The following TTN variants were observed in gnomAD, a reference collection of about 807,000 sequenced individuals.
The protein encoded by TTN is titin.
In TTN, 1,525 loss-of-function variants were observed where a neutral mutation model predicts 3,223.0. The observed-to-expected ratio is 0.47, with a 90% CI of 0.45 to 0.49. The LOEUF (loss-of-function observed/expected upper bound fraction) is 0.49. Ranked by LOEUF, TTN falls within the 20% of genes least tolerant of loss-of-function variation. The pLI, the probability that TTN is intolerant of heterozygous loss-of-function variation, is 0.00. For missense variants in TTN, 40,786 were observed against 43,424.0 expected, an observed-to-expected ratio of 0.94 and a Z score of 5.40; for synonymous variants, 14,094 against 15,161.0, an observed-to-expected ratio of 0.93 and a Z score of 5.17.
At position 178,559,621 on chromosome 2, in the gene TTN, G is replaced by A. The variant is rs1455136677; in HGVS notation, c.86511C>T (p.Thr28837=). ...IQNVLSAASL[T]LVVKVLDTPG... The stretch of plus-strand genomic sequence containing the variant: ...GGGTATCTAAAACTTTGACAACTAA[G>A]GTCAGTGAAGCAGCACTCAAAACAT... The change falls in exon 326 of 363, where the codon ACC becomes ACT. Residue 28837 remains threonine (T), a synonymous_variant. Coordinates refer to ENST00000589042, the MANE Select transcript of TTN (RefSeq NM_001267550.2). The A allele has an allele frequency of 1.1e-5, 17 of 1,613,674 alleles. No individual in the cohort carries two copies. Among genetic ancestry groups the A allele is most frequent in the Non-Finnish European group, 1.0e-5 (12 of 1,179,786 alleles).
In TTN at chr2:178,743,765, G is replaced by A. The variant is rs140321646; in HGVS notation, c.11312-1844C>T. Among the ~76,000 whole-genome samples, 282 of 151,960 alleles carry A rather than the reference G, an allele frequency of 1.9e-3. 6 individuals are homozygous for A. The South Asian group carries it at 0.025, about 13-fold the overall frequency. Reference sequence around the variant, plus strand: ...GACTAAGTGCAGAATAAATCTCTAAGTTCCTAATCTATAGAATTAGTTTTA... The same window carrying A: ...GACTAAGTGCAGAATAAATCTCTAAATTCCTAATCTATAGAATTAGTTTTA... On this transcript the variant is annotated intron_variant, in intron 47 of 362. Transcript: ENST00000589042.
At chr2:178,596,468 A>G (rs901918427) in intron 294 of TTN, among the ~76,000 whole-genome samples, 1 of 151,994 alleles carries the variant, frequency 6.6e-6, no homozygotes, top group African/African-American at 2.4e-5. Context: ...GTCAGTTTCT[A>G]TGTCCAGTTT....
At chr2:178,699,376 T>C (rs948055449) in intron 111 of TTN, among the ~76,000 whole-genome samples, 32 of 126,226 alleles carry the variant, frequency 2.5e-4, no homozygotes, top group African/African-American at 8.8e-4. Flanking sequence ...CATGAATAAA[T>C]AACACTCTTT....
chr2:178,602,008 T>A lies in TTN; in HGVS notation c.55263A>T (p.Ala18421=). The change falls in exon 284 of 363, where the codon GCA becomes GCT. Residue 18421 remains alanine, a synonymous_variant. Coordinates refer to ENST00000589042, the MANE Select transcript of TTN (RefSeq NM_001267550.2). ...AGAATGGTTATTTTCCTACCTTCAT[T>A]GCTTTCTTTGCCTTTCCATCAAATT... is the stretch of plus-strand genomic sequence containing the variant. ...SWEFDGKAKK[A]MKDGVHDIPE... is the part of the protein sequence containing the mutation. The A allele has an allele frequency of 1.2e-6, 2 of 1,612,784 alleles. No homozygotes were observed. Among genetic ancestry groups the A allele is most frequent in the Non-Finnish European group, 1.7e-6 (2 of 1,179,212 alleles).
Position 178,604,818 on chromosome 2 carries a change from C to T in TTN, c.54271G>A (p.Asp18091Asn). 1 of 1,612,272 alleles carries T rather than the reference C, an allele frequency of 6.2e-7. No homozygotes were observed. The highest frequency in any genetic ancestry group is 8.5e-7 in the Non-Finnish European group (1 of 1,178,998). Residue 18091 changes from aspartate (D) to asparagine (N), a missense_variant, in exon 281 of 363, where the codon GAT (aspartate) becomes AAT (asparagine). Physicochemically the swap from Asp to Asn is conservative, Grantham distance 23. Transcript: ENST00000589042. Reference protein sequence around the residue: ...SCYLTWDAPLDNGGSEITHYV... With the variant: ...SCYLTWDAPLNNGGSEITHYV... ...TGGGTGATTTCACTGCCACCATTATCAAGAGGGGCATCCCATGTCAAGTAG... is the reference window on the plus strand; with the variant it reads ...TGGGTGATTTCACTGCCACCATTATTAAGAGGGGCATCCCATGTCAAGTAG...
intron 62 of TTN, 30 bp downstream of exon 62, chr2:178,730,063 C>A (rs373119148): frequency 1.0e-5 from 16 of 1,587,728 alleles, no homozygotes; most frequent in Non-Finnish European, 1.4e-5. Context: ...TCTAGACAAG[C>A]AAGAAAGTGA....
Position 178,705,212 on chromosome 2 carries a change from G to A in TTN, c.29566C>T (p.Leu9856=), listed in dbSNP as rs371542947. 1.3e-5 allele frequency: 21 copies of A among 1,613,632 alleles called. No homozygotes were observed. The African/African-American group carries it at 2.3e-4, about 17-fold the overall frequency. The change falls in exon 103 of 363, where the codon CTG becomes TTG. Residue 9856 remains leucine (L), a synonymous_variant. Transcript: ENST00000589042. ...DFRGLLQAFE[L]LKQSQEEETH... ...TCTTCTTCTTGGCTTTGCTTGAGCA[G>A]TTCAAATGCTTGAAGAAGACCTCGG...
At chr2:178,541,706 A>AT (rs1473440373) in intron 349 of TTN, 122 bp from the exon 350 acceptor site, 5 of 657,104 alleles carry the variant, frequency 7.6e-6, no homozygotes, top group Non-Finnish European at 8.9e-6. Flanking sequence ...GCACATGACT[A>AT]TTTTTCCAAT....
In TTN at chr2:178,567,761, A is replaced by T. The variant is rs778290450; in HGVS notation, c.78371T>A (p.Ile26124Asn). 37 of 1,613,314 alleles carry T rather than the reference A, an allele frequency of 2.3e-5. 1 individual carries two copies. Among genetic ancestry groups the T allele is most frequent in the Admixed American group, 1.5e-4 (9 of 59,956 alleles). The change falls in exon 326 of 363, where the codon ATT (isoleucine) becomes AAT (asparagine). Residue 26124 changes from isoleucine to asparagine, a missense_variant. By Grantham distance (149) the Ile-to-Asn change is moderately radical. Coordinates refer to ENST00000589042, the MANE Select transcript of TTN (RefSeq NM_001267550.2). ...YDGGSMITGY[I>N]VEKRDLPDGR... ...ATCAGGCAAATCACGTTTCTCTACAATGTAGCCTGTAATCATACTTCCACC... is the reference window on the plus strand; with the variant it reads ...ATCAGGCAAATCACGTTTCTCTACATTGTAGCCTGTAATCATACTTCCACC...
rs750971285 is a variant in TTN, at chr2:178,719,145, T to C, written c.24226+19A>G. 6.3e-7 allele frequency: 1 copy of C among 1,599,970 alleles called. No homozygotes were observed. The highest frequency in any genetic ancestry group is 8.5e-7 in the Non-Finnish European group (1 of 1,171,428). ...AAAGAGGTGTTAGAGAAGCAGCAGCTTTATCCTTGCACACTGACCTTGCAC... is the reference window on the plus strand; with the variant it reads ...AAAGAGGTGTTAGAGAAGCAGCAGCCTTATCCTTGCACACTGACCTTGCAC... On this transcript the variant is annotated intron_variant, in intron 83 of 362. Coordinates refer to ENST00000589042, the MANE Select transcript of TTN (RefSeq NM_001267550.2).
At chr2:178,583,983 C>T (rs192683186) in intron 311 of TTN, 77 bp from the exon 312 acceptor site, 101 of 1,382,850 alleles carry the variant, frequency 7.3e-5, no homozygotes, top group Non-Finnish European at 6.8e-5. Context: ...ATTATCATCC[C>T]TGCTGCTAAG....
rs2064102567 is a variant in TTN at position 178,658,356 on chromosome 2, C to T, written c.37628-1G>A. The T allele has an allele frequency of 6.3e-6, 5 of 799,028 alleles. No individual in the cohort carries two copies. The highest frequency in any genetic ancestry group is 9.2e-6 in the Non-Finnish European group (5 of 544,506). 49.5% of individuals were successfully genotyped at this position (799,028 alleles called of 1,614,324 possible). On this transcript the variant is annotated splice_acceptor_variant, in intron 184 of 362. Coordinates refer to ENST00000589042, the MANE Select transcript of TTN (RefSeq NM_001267550.2). LOFTEE classifies it high-confidence loss of function. ...ACAACTTCTTGAGCAGCTTCAGGCA[C>T]TTGAAAGATATTAGTATTTTTATAA...
chr2:178,742,263 T>A (rs1462975344), intron 47 of TTN, among the ~76,000 whole-genome samples: 2 of 152,122 alleles, frequency 1.3e-5, no homozygotes, highest in African/African-American at 4.8e-5. Context: ...TAATCCAGCA[T>A]TATTTAAATC....
chr2:178,712,556 G>A lies in TTN; in HGVS notation c.27366C>T (p.Ser9122=), dbSNP rs771307666. The A allele has an allele frequency of 2.5e-6, 4 of 1,613,168 alleles. No homozygotes were observed. Among genetic ancestry groups the A allele is most frequent in the East Asian group, 4.5e-5 (2 of 44,830 alleles). ...GGATCAGGGGTTTTCCTTTCTCTATGCTGTAATCATTCAGCCTCTTCACAA... is the reference window on the plus strand; with the variant it reads ...GGATCAGGGGTTTTCCTTTCTCTATACTGTAATCATTCAGCCTCTTCACAA... ...AKFVKRLNDY[S]IEKGKPLILE... Residue 9122 remains serine (S), a synonymous_variant, in exon 95 of 363, where the codon AGC becomes AGT. Transcript: ENST00000589042.
In TTN at chr2:178,671,977, G is replaced by A. The variant is rs537382380; in HGVS notation, c.35221C>T (p.Pro11741Ser). Residue 11741 changes from proline to serine, a missense_variant, in exon 155 of 363, where the codon CCT becomes TCT. Transcript: ENST00000589042. ...TTTGAAGAATTCCCTATACCTTTAG[G>A]TGGAGCTTTTGGTTTTTCAAATACT... ...VEVFEKPKAP[P>S]KGPEISEKII... 4 of 1,599,990 alleles carry A rather than the reference G, an allele frequency of 2.5e-6. No homozygotes were observed. In the South Asian group the frequency reaches 3.5e-5, roughly 14 times the overall value.
chr2:178,577,990 A>T lies in TTN; in HGVS notation c.68525T>A (p.Ile22842Asn). The T allele has an allele frequency of 6.2e-7, 1 of 1,611,574 alleles. No individual in the cohort carries two copies. The highest frequency in any genetic ancestry group is 8.5e-7 in the Non-Finnish European group (1 of 1,178,994). Residue 22842 changes from isoleucine to asparagine, a missense_variant and splice_region_variant, in exon 322 of 363, where the codon ATT (isoleucine) becomes AAT (asparagine). Coordinates refer to ENST00000589042, the MANE Select transcript of TTN (RefSeq NM_001267550.2). ...TTTTTCTTCATATAATGACTTACCA[A>T]TTGGGTCCAGTGCCACAACAGGCTC... Reference protein sequence around the residue: ...PSEPVVALDPIDPPGKPEVIN... With the variant: ...PSEPVVALDPNDPPGKPEVIN...
Position 178,608,341 on chromosome 2 carries a change from T to C in TTN, c.52542A>G (p.Thr17514=), listed in dbSNP as rs1576373618. Residue 17514 remains threonine (T), a synonymous_variant, in exon 275 of 363, where the codon ACA becomes ACG. Coordinates refer to ENST00000589042, the MANE Select transcript of TTN (RefSeq NM_001267550.2). ...YWLEKREVNS[T]HWSRVNKSLL... Reference sequence around the variant, plus strand: ...GGCTTTTGTTGACACGAGACCAATGTGTACTGTTAACTTCACGTTTTTCAA... The same window carrying C: ...GGCTTTTGTTGACACGAGACCAATGCGTACTGTTAACTTCACGTTTTTCAA... 2 of 1,612,410 alleles carry C rather than the reference T, an allele frequency of 1.2e-6. No individual in the cohort carries two copies. The highest frequency in any genetic ancestry group is 1.7e-6 in the Non-Finnish European group (2 of 1,179,164).
intron 43 of TTN, among the ~76,000 whole-genome samples, chr2:178,763,743 C>G (rs767155353): frequency 2.6e-5 from 4 of 152,120 alleles, no homozygotes; most frequent in Non-Finnish European, 5.9e-5. Flanking sequence ...CAAAGGATAC[C>G]TTTCACACAA....
At chr2:178,760,051 T>C (rs926138783) in intron 43 of TTN, among the ~76,000 whole-genome samples, 2 of 152,234 alleles carry the variant, frequency 1.3e-5, no homozygotes, top group South Asian at 2.1e-4. Flanking sequence ...ATACCACTTC[T>C]TGGTCTCAAA....
Sources: allele counts gnomAD v4.1 joint callset (sites outside exome capture counted in the v4.1 genomes callset), GRCh38; gene constraint gnomAD v4.1.1; transcripts MANE v1.5; gene names NCBI Gene and HGNC (gene_info 2026-07-23, HGNC 2026-07-21).